PLCB1: variants seen among roughly 807,000 people sequenced by gnomAD.
The protein encoded by PLCB1 is 1-phosphatidylinositol 4,5-bisphosphate phosphodiesterase beta-1.
In PLCB1, 46 loss-of-function variants were observed where a neutral mutation model predicts 161.8. The observed-to-expected ratio is 0.28, with a 90% CI of 0.22 to 0.36. The LOEUF (loss-of-function observed/expected upper bound fraction) is 0.36. Among genes scored for constraint, PLCB1 ranks in the 10% least tolerant of loss-of-function variants. The pLI is 1.00. For missense variants in PLCB1, 1,016 were observed against 1,472.5 expected, an observed-to-expected ratio of 0.69 and a Z score of 5.07; for synonymous variants, 517 against 503.7, an observed-to-expected ratio of 1.03 and a Z score of -0.35.
At position 8,132,964 on chromosome 20, in the gene PLCB1, C is replaced by T. The variant is rs938580370; in HGVS notation, c.99+214C>T. Among the ~76,000 whole-genome samples the T allele has an allele frequency of 1.3e-5, 2 of 152,128 alleles. No individual in the cohort carries two copies. The highest frequency in any genetic ancestry group is 1.9e-4 in the East Asian group (1 of 5,156). ...TTCATCGGGCTTCAGTAGTTGCCAT[C>T]CTTTCTGGGTCTGGCAGGCGCCCCC... On this transcript the variant is annotated intron_variant, in intron 1 of 31. Coordinates refer to ENST00000338037, the MANE Select transcript of PLCB1 (RefSeq NM_015192.4). The surrounding 1 kb of genome is among the most constrained non-coding windows in gnomAD (Gnocchi z 5.2).
At chr20:8,510,244 A>G (rs1173336901) in intron 3 of PLCB1, among the ~76,000 whole-genome samples, 2 of 152,234 alleles carry the variant, frequency 1.3e-5, no homozygotes, top group African/African-American at 2.4e-5. Context: ...TATTCTATCA[A>G]CCATGTGATT....
At chr20:8,536,818 G>C (rs1483752405) in intron 3 of PLCB1, among the ~76,000 whole-genome samples, 1 of 152,132 alleles carries the variant, frequency 6.6e-6, no homozygotes, top group Non-Finnish European at 1.5e-5. Flanking sequence ...GGGATGCAAG[G>C]GTAGACTCCT....
intron 1 of PLCB1, among the ~76,000 whole-genome samples, chr20:8,134,574 T>C (rs2051325832): frequency 6.6e-6 from 1 of 152,222 alleles, no homozygotes; most frequent in South Asian, 2.1e-4. Flanking sequence ...CTTGCTCACC[T>C]ATTACTGCCA....
intron 1 of PLCB1, among the ~76,000 whole-genome samples, chr20:8,143,536 C>A (rs1004461736): frequency 6.6e-6 from 1 of 152,052 alleles, no homozygotes; most frequent in Admixed American, 6.5e-5. Context: ...AATAGAGGTA[C>A]AATTATTTTC....
intron 30 of PLCB1, 81 bp from the exon 31 acceptor site, chr20:8,790,094 T>G (rs1983678785): frequency 2.2e-6 from 2 of 908,366 alleles, no homozygotes. Flanking sequence ...GCCATAGATC[T>G]GAAAAGCTTT....
chr20:8,734,526 A>T (rs1301021321), intron 19 of PLCB1, among the ~76,000 whole-genome samples: 2 of 151,864 alleles, frequency 1.3e-5, no homozygotes, highest in Non-Finnish European at 2.9e-5. Flanking sequence ...TATTAAATAT[A>T]TATGTATATA....
intron 3 of PLCB1, among the ~76,000 whole-genome samples, chr20:8,585,087 C>T (rs974165502): frequency 1.3e-5 from 2 of 152,160 alleles, no homozygotes; most frequent in African/African-American, 4.8e-5. Context: ...TCATTGGGTG[C>T]TCTTGCCCAT....
chr20:8,250,932 A>G (rs1272712789), intron 2 of PLCB1, among the ~76,000 whole-genome samples: 1 of 152,012 alleles, frequency 6.6e-6, no homozygotes, highest in African/African-American at 2.4e-5. Flanking sequence ...GACATAAGAT[A>G]TGTACTCTGA....
rs940516128 is a variant in PLCB1, at chr20:8,516,873, G to A, written c.247-111421G>A. On this transcript the variant is annotated intron_variant, in intron 3 of 31. Transcript: ENST00000338037. ...AGATTTCCTATGTGCCCTTTGTTAC[G>A]GCTGTGCAGCTAAGTACAACACAGT... Among the ~76,000 whole-genome samples the A allele has an allele frequency of 6.6e-5, 10 of 151,808 alleles. 1 individual carries two copies. Among genetic ancestry groups the A allele is most frequent in the African/African-American group, 2.4e-5 (1 of 41,406 alleles).
intron 31 of PLCB1, among the ~76,000 whole-genome samples, chr20:8,812,911 C>A (rs1386377628): frequency 1.3e-5 from 2 of 152,308 alleles, no homozygotes; most frequent in African/African-American, 4.8e-5. Flanking sequence ...AAGTGTGGCT[C>A]CTACGCCCTC....
chr20:8,717,611 G>A lies in PLCB1; in HGVS notation c.1336-60G>A, dbSNP rs1979393676. Reference sequence around the variant, plus strand: ...TATCCACAGCTGATCTGGGGGTCTGGGGAGGGGATCTGAAAGAGGGAGCAG... The same window carrying A: ...TATCCACAGCTGATCTGGGGGTCTGAGGAGGGGATCTGAAAGAGGGAGCAG... On this transcript the variant is annotated intron_variant, in intron 13 of 31. Coordinates refer to ENST00000338037, the MANE Select transcript of PLCB1 (RefSeq NM_015192.4). 2.2e-6 allele frequency: 3 copies of A among 1,341,252 alleles called. No homozygotes were observed. In the African/African-American group the frequency reaches 4.4e-5, roughly 19 times the overall value. 83.1% of individuals were successfully genotyped at this position (1,341,252 alleles called of 1,614,324 possible).
At chr20:8,523,484 C>CCATATATATATATATA (rs1984438749) in intron 3 of PLCB1, among the ~76,000 whole-genome samples, 1 of 59,866 alleles carries the variant, frequency 1.7e-5, no homozygotes, top group Admixed American at 1.8e-4. Flanking sequence ...CTCTCTCTCT[C>CCATATATATATATATA]TCTCTCTCTC....
chr20:8,486,481 A>ATT (rs71183092), intron 3 of PLCB1, among the ~76,000 whole-genome samples: 2,530 of 85,748 alleles, frequency 0.03, 323 homozygotes, highest in African/African-American at 0.068. Flanking sequence ...ATTCCAAAAT[A>ATT]TTTTTTTTTT....
chr20:8,156,625 AG>A (rs1302130742), intron 2 of PLCB1, among the ~76,000 whole-genome samples: 2 of 152,182 alleles, frequency 1.3e-5, no homozygotes, highest in African/African-American at 4.8e-5. Context: ...GGAAGCCCAA[AG>A]CTGGTTGAGG....
chr20:8,166,214 A>G (rs186794386), intron 2 of PLCB1, among the ~76,000 whole-genome samples: 2 of 151,954 alleles, frequency 1.3e-5, no homozygotes, highest in Admixed American at 6.6e-5. Context: ...CCTTTCACCA[A>G]CTTTTCAATA....
At chr20:8,844,931 A>G (rs1568622435) in intron 31 of PLCB1, among the ~76,000 whole-genome samples, 1 of 151,958 alleles carries the variant, frequency 6.6e-6, no homozygotes, top group Non-Finnish European at 1.5e-5. Context: ...TAACATGGTG[A>G]AACCCCATCT....
intron 3 of PLCB1, among the ~76,000 whole-genome samples, chr20:8,523,482 CTCTCTCTCTCTCTCTAT>C (rs1984438046): frequency 1.7e-5 from 1 of 59,326 alleles, no homozygotes; most frequent in African/African-American, 9.3e-5. Context: ...CTCTCTCTCT[CTCTCTCTCTCTCTCTAT>C]ATATATATAT....
intron 3 of PLCB1, among the ~76,000 whole-genome samples, chr20:8,548,393 C>A (rs1238715800): frequency 7.1e-6 from 1 of 141,664 alleles, no homozygotes; most frequent in Non-Finnish European, 1.5e-5. Flanking sequence ...CCCTTCCCTT[C>A]CCTTCCCCTC....
At chr20:8,439,882 C>T (rs1980478108) in intron 3 of PLCB1, among the ~76,000 whole-genome samples, 1 of 152,080 alleles carries the variant, frequency 6.6e-6, no homozygotes, top group African/African-American at 2.4e-5. Flanking sequence ...TAAGTCATCC[C>T]TTGCCCTCTT....
Sources: allele counts gnomAD v4.1 joint callset (sites outside exome capture counted in the v4.1 genomes callset), GRCh38; gene constraint gnomAD v4.1.1; non-coding constraint Gnocchi (gnomAD v3.1); transcripts MANE v1.5; gene names NCBI Gene and HGNC (gene_info 2026-07-23, HGNC 2026-07-21).